The following SPA17 variants were observed in gnomAD, a reference collection of about 807,000 sequenced individuals.
The protein encoded by SPA17 is sperm autoantigenic protein 17.
Under a neutral mutation model 13.8 loss-of-function variants are expected in SPA17, and 7 were observed. The ratio of observed to expected loss-of-function variants is 0.51; its 90% CI spans 0.29 to 0.95. The LOEUF is 0.95. Among genes scored for constraint, SPA17 ranks in the 40% least tolerant of loss-of-function variants. The pLI is 0.08. For synonymous variants in SPA17, 61 were observed against 59.0 expected, an observed-to-expected ratio of 1.03 and a Z score of -0.16; for missense variants, 170 against 179.3, an observed-to-expected ratio of 0.95 and a Z score of 0.30.
intron 2 of SPA17, among the ~76,000 whole-genome samples, chr11:124,680,467 G>A (rs1311361720): frequency 6.6e-6 from 1 of 152,124 alleles, no homozygotes; most frequent in Admixed American, 6.6e-5. Context: ...AAATTGCAAG[G>A]AAAGAATAGG....
intron 3 of SPA17, among the ~76,000 whole-genome samples, chr11:124,686,597 G>T (rs767209788): frequency 1.1e-4 from 16 of 152,158 alleles, no homozygotes; most frequent in Non-Finnish European, 2.2e-4. Flanking sequence ...CAAGTATCTT[G>T]TCAGACCACA....
chr11:124,686,555 T>A (rs1202150944), intron 3 of SPA17, among the ~76,000 whole-genome samples: 1 of 152,070 alleles, frequency 6.6e-6, no homozygotes, highest in African/African-American at 2.4e-5. Flanking sequence ...ACAAAACAAG[T>A]CTCAACAAAT....
chr11:124,694,187 C>A, intron 4 of SPA17, 116 bp from the exon 5 acceptor site: 1 of 1,318,256 alleles, frequency 7.6e-7, no homozygotes, highest in Non-Finnish European at 1.1e-6. Context: ...CCTCAGGAAG[C>A]AACAGCTCTC....
intron 3 of SPA17, among the ~76,000 whole-genome samples, chr11:124,690,080 A>G (rs977925312): frequency 1.3e-5 from 2 of 152,320 alleles, no homozygotes; most frequent in East Asian, 1.9e-4. Context: ...TAAAAATAGA[A>G]TGACCATTCA....
At chr11:124,694,145 G>C (rs1407749050) in intron 4 of SPA17, 158 bp from the exon 5 acceptor site, 1 of 867,530 alleles carries the variant, frequency 1.2e-6, no homozygotes, top group African/African-American at 1.7e-5. Context: ...TTGCCATTTG[G>C]TACATATACA....
intron 4 of SPA17, 56 bp from the exon 5 acceptor site, chr11:124,694,247 G>T (rs1475727727): frequency 1.3e-6 from 2 of 1,565,788 alleles, no homozygotes; most frequent in Non-Finnish European, 1.7e-6. Flanking sequence ...TATTTTTGTG[G>T]CATCAAAACT....
At chr11:124,688,919 C>T (rs182116243) in intron 3 of SPA17, among the ~76,000 whole-genome samples, 10 of 152,272 alleles carry the variant, frequency 6.6e-5, no homozygotes, top group Admixed American at 2.0e-4. Flanking sequence ...TAACCTAATA[C>T]AAGGCTACAG....
At chr11:124,682,810 T>C (rs1233862378) in intron 3 of SPA17, among the ~76,000 whole-genome samples, 1 of 152,056 alleles carries the variant, frequency 6.6e-6, no homozygotes, top group Non-Finnish European at 1.5e-5. Context: ...AGAAAACCTA[T>C]TTAATGCAAT....
intron 4 of SPA17, 82 bp downstream of exon 4, chr11:124,691,864 G>A: frequency 2.5e-6 from 2 of 801,998 alleles, no homozygotes; most frequent in Non-Finnish European, 3.8e-6. Context: ...AAATATGAAT[G>A]TCTGTTATCT....
intron 3 of SPA17, among the ~76,000 whole-genome samples, chr11:124,684,258 A>G (rs1943555503): frequency 1.3e-5 from 2 of 150,818 alleles, no homozygotes; most frequent in African/African-American, 5.0e-5. Flanking sequence ...GAACAAACTA[A>G]TACAGTAATT....
chr11:124,676,610 G>A (rs1025581298), intron 2 of SPA17, among the ~76,000 whole-genome samples: 1 of 152,112 alleles, frequency 6.6e-6, no homozygotes, highest in East Asian at 1.9e-4. Context: ...TTCCATATCC[G>A]GTCAGGGTGA....
chr11:124,691,658 G>A (rs1943624067), intron 3 of SPA17, 38 bp from the exon 4 acceptor site: 2 of 1,444,064 alleles, frequency 1.4e-6, no homozygotes, highest in African/African-American at 2.9e-5. Flanking sequence ...TGCCATTTTG[G>A]AAACATTGCT....
chr11:124,675,494 A>G (rs1245333211), intron 2 of SPA17, 76 bp downstream of exon 2: 6 of 1,510,458 alleles, frequency 4.0e-6, no homozygotes, highest in Non-Finnish European at 5.4e-6. Context: ...GCTTAAGACC[A>G]TCTCCATTCT....
intron 3 of SPA17, among the ~76,000 whole-genome samples, chr11:124,686,148 C>T (rs1943575666): frequency 8.1e-6 from 1 of 123,678 alleles, no homozygotes; most frequent in African/African-American, 3.2e-5. Context: ...TTAATTCCCA[C>T]ATATCATGGG....
At chr11:124,677,905 A>C (rs1316689731) in intron 2 of SPA17, among the ~76,000 whole-genome samples, 1 of 152,266 alleles carries the variant, frequency 6.6e-6, no homozygotes, top group Non-Finnish European at 1.5e-5. Flanking sequence ...GCATAATAAC[A>C]GAAGTCCAAA....
chr11:124,683,646 C>T (rs762847387), intron 3 of SPA17, among the ~76,000 whole-genome samples: 14 of 150,872 alleles, frequency 9.3e-5, no homozygotes, highest in Non-Finnish European at 1.6e-4. Context: ...TATTCCATGC[C>T]AACAGAAACC....
In SPA17 at chr11:124,695,490, T is replaced by TA. The variant is rs1943663221; in HGVS notation, c.*1044_*1045insA. ...CCCTAGTGCCTTAGTTTTAGAAAGT[T>TA]CCGTCTCTCCTTTTTGAGGCCTCTC... On this transcript the variant is annotated 3_prime_UTR_variant, in exon 5 of 5. Coordinates refer to ENST00000227135, the MANE Select transcript of SPA17 (RefSeq NM_017425.4). 6.6e-6 allele frequency: 1 copy of TA among 152,202 alleles called. No homozygotes were observed. The highest frequency in any genetic ancestry group is 2.1e-4 in the South Asian group (1 of 4,832). 9.4% of individuals were successfully genotyped at this position (152,202 alleles called of 1,614,324 possible).
chr11:124,681,204 T>A lies in SPA17; in HGVS notation c.155-185T>A, dbSNP rs149266717. On this transcript the variant is annotated intron_variant, in intron 2 of 4. Coordinates refer to ENST00000227135, the MANE Select transcript of SPA17 (RefSeq NM_017425.4). ...AAAGGCTCATCCAATGTTCAGTTGG[T>A]TATCATATGTTTAATAATCACTGGT... Among the ~76,000 whole-genome samples the A allele has an allele frequency of 3.0e-3, 460 of 152,270 alleles. 3 individuals carry two copies. The highest frequency in any genetic ancestry group is 4.6e-3 in the Non-Finnish European group (310 of 67,986).
intron 3 of SPA17, among the ~76,000 whole-genome samples, chr11:124,688,487 A>G (rs1943595971): frequency 1.3e-5 from 2 of 152,240 alleles, no homozygotes; most frequent in Non-Finnish European, 2.9e-5. Context: ...AATCCCATTT[A>G]TAATAGCTTT....
Sources: gnomAD v4.1 joint callset for allele counts (sites outside exome capture counted in the v4.1 genomes callset) on GRCh38, gnomAD v4.1.1 for gene constraint, MANE v1.5 for transcripts, NCBI Gene and HGNC (gene_info 2026-07-23, HGNC 2026-07-21) for gene names.